Variants in KLF16 observed in about 807,000 individuals in gnomAD.
The protein encoded by KLF16 is Krueppel-like factor 16.
In KLF16, 6 loss-of-function variants were observed where a neutral mutation model predicts 6.1. The ratio of observed to expected loss-of-function variants is 0.98; its 90% CI spans 0.54 to 1.93. The LOEUF (loss-of-function observed/expected upper bound fraction) is 1.93. KLF16 is among the 30% of genes most tolerant of loss of function. The probability of loss-of-function intolerance (pLI) is 0.01; values close to 1 mark genes in which losing one functional copy is unlikely to be tolerated. For synonymous variants in KLF16, 211 were observed against 176.5 expected (o/e 1.20, Z -1.55); for missense variants, 355 against 363.8 (o/e 0.98, Z 0.20).
the KLF16 span, among the ~76,000 whole-genome samples, chr19:1,873,794 G>C: frequency 6.6e-6 from 1 of 152,266 alleles, no homozygotes; most frequent in Non-Finnish European, 1.5e-5. Context: ...GGGTGGTGGG[G>C]AGAGGCCGAG....
upstream of KLF16, among the ~76,000 whole-genome samples, chr19:1,866,133 G>A (rs991871880): frequency 2.6e-5 from 4 of 151,842 alleles, no homozygotes; most frequent in South Asian, 2.1e-4. Context: ...GTGAAATCCC[G>A]TCTCTACTAA....
upstream of KLF16, among the ~76,000 whole-genome samples, chr19:1,864,810 C>T (rs987258880): frequency 1.1e-4 from 16 of 152,324 alleles, no homozygotes; most frequent in South Asian, 6.2e-4. Flanking sequence ...CCCAAGGCGG[C>T]GGGGGCACAG....
Position 1,863,168 on chromosome 19 carries a change from CG to C in KLF16, c.329del (p.Pro110ArgfsTer35). The C allele has an allele frequency of 7.9e-7, 1 of 1,269,680 alleles. No homozygotes were observed. The highest frequency in any genetic ancestry group is 1.6e-5 in the African/African-American group (1 of 61,944). 78.7% of individuals were successfully genotyped at this position (1,269,680 alleles called of 1,614,324 possible). A position where few individuals can be genotyped will look rare whatever the true frequency, so the allele number is the denominator to read the frequency against. ...CGGCGCCGGGGGCGCGGCCCGAGGA[CG>C]GGGACGAGGCGGCTGAGGAGGAGGA... ...PASSSSAASSPSSGRAPGAAP... is the reference protein window; with the variant it reads ...PASSSSAASSXSSGRAPGAAP... On this transcript the variant is annotated frameshift_variant, in exon 1 of 2. Coordinates refer to ENST00000250916, the MANE Select transcript of KLF16 (RefSeq NM_031918.4). LOFTEE classifies it high-confidence loss of function.
chr19:1,858,372 G>A (rs892711062), intron 1 of KLF16, among the ~76,000 whole-genome samples: 7 of 152,204 alleles, frequency 4.6e-5, no homozygotes, highest in Non-Finnish European at 1.0e-4. Flanking sequence ...GCCCCTCACA[G>A]TGGCCTGGTG....
chr19:1,862,307 G>C (rs895376770), intron 1 of KLF16, among the ~76,000 whole-genome samples: 3 of 152,210 alleles, frequency 2.0e-5, no homozygotes, highest in Non-Finnish European at 4.4e-5. Flanking sequence ...CGTTGGTGTA[G>C]CCGAAGCGCT....
At chr19:1,860,804 G>A (rs1279820970) in intron 1 of KLF16, among the ~76,000 whole-genome samples, 4 of 152,208 alleles carry the variant, frequency 2.6e-5, no homozygotes, top group Admixed American at 1.3e-4. Context: ...TGGTGGTCCT[G>A]GGGGCTGGGG....
Position 1,863,547 on chromosome 19 carries a change from G to A in KLF16, c.-50C>T, listed in dbSNP as rs1180759738. On this transcript the variant is annotated 5_prime_UTR_variant, in exon 1 of 2. Coordinates refer to ENST00000250916, the MANE Select transcript of KLF16 (RefSeq NM_031918.4). ...CGGGCGGAGCGGAGGCGGCGGGAGC[G>A]GCGTCCGTCCGGCCGGCGGCGGCTG... is the stretch of plus-strand genomic sequence containing the variant. 3.1e-5 allele frequency: 28 copies of A among 911,628 alleles called. No individual in the cohort carries two copies. The highest frequency in any genetic ancestry group is 5.5e-5 in the African/African-American group (3 of 54,958). 56.5% of individuals were successfully genotyped at this position (911,628 alleles called of 1,614,324 possible).
At chr19:1,867,984 T>G (rs998522939), upstream of KLF16, among the ~76,000 whole-genome samples, 9 of 151,532 alleles carry the variant, frequency 5.9e-5, no homozygotes, top group Non-Finnish European at 1.3e-4. Context: ...GCACTGGAAC[T>G]GCCATATCTT....
At chr19:1,873,558 G>C in the KLF16 span, among the ~76,000 whole-genome samples, 1 of 152,236 alleles carries the variant, frequency 6.6e-6, no homozygotes, top group African/African-American at 2.4e-5. Context: ...GGGTGGACCA[G>C]AGACTCAGCC....
intron 1 of KLF16, among the ~76,000 whole-genome samples, chr19:1,858,364 C>T (rs925818286): frequency 3.3e-5 from 5 of 152,212 alleles, no homozygotes; most frequent in Non-Finnish European, 7.3e-5. Context: ...GCAGCAGTGC[C>T]CCTCACAGTG....
chr19:1,869,745 C>T, the KLF16 span, among the ~76,000 whole-genome samples: 8 of 151,940 alleles, frequency 5.3e-5, no homozygotes, highest in Non-Finnish European at 4.4e-5. Context: ...TAACTGGAAC[C>T]ACAGGTGCAC....
At chr19:1,869,120 G>A in the KLF16 span, among the ~76,000 whole-genome samples, 1 of 152,162 alleles carries the variant, frequency 6.6e-6, no homozygotes, top group Non-Finnish European at 1.5e-5. Flanking sequence ...AAGACTTTGG[G>A]GGAAAACAGG....
At chr19:1,865,954 A>C (rs2012182329), upstream of KLF16, among the ~76,000 whole-genome samples, 1 of 152,098 alleles carries the variant, frequency 6.6e-6, no homozygotes, top group Non-Finnish European at 1.5e-5. Context: ...ACTTGAAGCT[A>C]TCAGTTCAAG....
chr19:1,856,974 A>C (rs1348415325), intron 1 of KLF16, among the ~76,000 whole-genome samples: 37 of 113,294 alleles, frequency 3.3e-4, no homozygotes, highest in South Asian at 1.2e-3. Context: ...CGACCGGGGC[A>C]GGGGCGCGCA....
chr19:1,859,775 G>A lies in KLF16; in HGVS notation c.457+3266C>T, dbSNP rs575798308. The stretch of plus-strand genomic sequence containing the variant: ...GCGGGGACTGGGATGCTGGGTGCTG[G>A]CCTGCGGCAGGGGACTTCAGAGTGG... On this transcript the variant is annotated intron_variant, in intron 1 of 1. Coordinates refer to ENST00000250916, the MANE Select transcript of KLF16 (RefSeq NM_031918.4). 7.2e-5 allele frequency among the ~76,000 whole-genome samples: 11 copies of A among 152,296 alleles called. No individual in the cohort carries two copies. The South Asian group carries it at 1.9e-3, about 26-fold the overall frequency.
chr19:1,858,741 A>G (rs2012003686), intron 1 of KLF16, among the ~76,000 whole-genome samples: 1 of 152,084 alleles, frequency 6.6e-6, no homozygotes, highest in Non-Finnish European at 1.5e-5. Context: ...AACCCAGGCC[A>G]GGACCTCCTG....
At chr19:1,873,234 C>T in the KLF16 span, among the ~76,000 whole-genome samples, 1 of 152,186 alleles carries the variant, frequency 6.6e-6, no homozygotes, top group African/African-American at 2.4e-5. Flanking sequence ...GCTTGGTCAG[C>T]CGCCCACACA....
At chr19:1,868,308 C>G (rs2012219376), upstream of KLF16, among the ~76,000 whole-genome samples, 1 of 152,028 alleles carries the variant, frequency 6.6e-6, no homozygotes, top group Admixed American at 6.6e-5. Context: ...CCACCTGCAC[C>G]AGGGGGCCGA....
chr19:1,866,059 T>G (rs1272596243), upstream of KLF16, among the ~76,000 whole-genome samples: 2 of 152,054 alleles, frequency 1.3e-5, no homozygotes, highest in Non-Finnish European at 2.9e-5. Flanking sequence ...ATCCCAGCAC[T>G]TTGGGAGGCC....
Sources: allele counts gnomAD v4.1 joint callset (sites outside exome capture counted in the v4.1 genomes callset), GRCh38; gene constraint gnomAD v4.1.1; transcripts MANE v1.5; gene names NCBI Gene and HGNC (gene_info 2026-07-23, HGNC 2026-07-21).